The following ZDHHC4 variants were observed in gnomAD, a reference collection of about 807,000 sequenced individuals.
ZDHHC4 encodes the protein zDHHC palmitoyltransferase 4, also known as palmitoyltransferase ZDHHC4.
Under a neutral mutation model 36.7 loss-of-function variants are expected in ZDHHC4, and 42 were observed. The observed-to-expected ratio is 1.14, with a 90% CI of 0.89 to 1.48. ZDHHC4 has a LOEUF of 1.48. ZDHHC4 is among the 40% of genes most tolerant of loss of function. The pLI is 0.00. For missense variants in ZDHHC4, 457 were observed against 421.5 expected (o/e 1.08, Z -0.74); for synonymous variants, 189 against 166.6 (o/e 1.13, Z -1.03).
intron 1 of ZDHHC4, 37 bp from the exon 2 acceptor site, chr7:6,578,529 C>T (rs998602157): frequency 2.0e-5 from 3 of 152,196 alleles, no homozygotes; most frequent in Non-Finnish European, 2.9e-5. Context: ...CAACTCTTGT[C>T]GTCTTATGTG....
At chr7:6,585,474 G>A (rs1282097022) in intron 7 of ZDHHC4, among the ~76,000 whole-genome samples, 2 of 151,580 alleles carry the variant, frequency 1.3e-5, no homozygotes, top group African/African-American at 4.8e-5. Context: ...TTGAATAACT[G>A]GTCTCCTGTA....
Position 6,581,648 on chromosome 7 carries a change from G to C in ZDHHC4, c.159G>C (p.Val53=). ...TTCCAGAATGTCTTCAGAGAGCCGT[G>C]CATGGATTGCTTCATTACCTTTTCC... The part of the protein sequence containing the change: ...CIIPECLQRA[V]HGLLHYLFHT... Residue 53 remains valine, a synonymous_variant, in exon 4 of 8, where the codon GTG becomes GTC. Coordinates refer to ENST00000335965, the MANE Select transcript of ZDHHC4 (RefSeq NM_001134389.2). The C allele has an allele frequency of 6.2e-7, 1 of 1,611,132 alleles. No homozygotes were observed. The highest frequency in any genetic ancestry group is 8.5e-7 in the Non-Finnish European group (1 of 1,177,632).
chr7:6,585,123 A>C lies in ZDHHC4; in HGVS notation c.604A>C (p.Thr202Pro), dbSNP rs1435557459. Reference protein sequence around the residue: ...RYFLIYVLTLTASAATVAIVS... With the variant: ...RYFLIYVLTLPASAATVAIVS... The stretch of plus-strand genomic sequence containing the variant: ...CTTCCTCATCTACGTCTTGACCTTG[A>C]CGGCCTCGGCTGCCACCGTCGCCAT... The change falls in exon 7 of 8, where the codon ACG (threonine) becomes CCG (proline). Residue 202 changes from threonine (T) to proline (P), a missense_variant. Physicochemically the swap from Thr to Pro is conservative, Grantham distance 38 (BLOSUM62 -1). Transcript: ENST00000335965. 1.9e-6 allele frequency: 3 copies of C among 1,614,016 alleles called. No homozygotes were observed.
intron 2 of ZDHHC4, among the ~76,000 whole-genome samples, chr7:6,578,942 A>T (rs10273900): frequency 0.4 from 61,206 of 151,806 alleles, 13,433 homozygotes; most frequent in African/African-American, 0.58. Context: ...TGCTCAAGCA[A>T]TCCTCCCGCC....
chr7:6,583,592 G>A (rs1583386312), intron 6 of ZDHHC4, 161 bp downstream of exon 6: 1 of 990,234 alleles, frequency 1.0e-6, no homozygotes, highest in Middle Eastern at 2.1e-4. Context: ...TTTCAGATGA[G>A]TGAGGGTCAG....
rs751870801 is a variant in ZDHHC4 at position 6,581,588 on chromosome 7, C to T, written c.118-19C>T. 5.7e-6 allele frequency: 9 copies of T among 1,590,728 alleles called. No homozygotes were observed. The highest frequency in any genetic ancestry group is 7.8e-6 in the Non-Finnish European group (9 of 1,159,648). On this transcript the variant is annotated intron_variant, in intron 3 of 7. Coordinates refer to ENST00000335965, the MANE Select transcript of ZDHHC4 (RefSeq NM_001134389.2). ...AAGTGAGAAATGAAATTGAGTCTTT[C>T]TCTTTCCTTTTGTTTCAGATATTTT...
intron 3 of ZDHHC4, 122 bp downstream of exon 3, chr7:6,580,800 C>T: frequency 2.2e-6 from 2 of 891,824 alleles, no homozygotes; most frequent in Non-Finnish European, 3.5e-6. Flanking sequence ...CACCTGTAAT[C>T]CCGCTACTCA....
In ZDHHC4 at chr7:6,583,291, C is replaced by T; in HGVS notation, c.371-15C>T. 1 of 1,613,362 alleles carries T rather than the reference C, an allele frequency of 6.2e-7. No individual in the cohort carries two copies. Among genetic ancestry groups the T allele is most frequent in the African/African-American group, 1.3e-5 (1 of 75,000 alleles). On this transcript the variant is annotated splice_polypyrimidine_tract_variant and intron_variant, in intron 5 of 7. Coordinates refer to ENST00000335965, the MANE Select transcript of ZDHHC4 (RefSeq NM_001134389.2). ...AGTATTGCACGAAACTGACATATGT[C>T]CTTACTTTTCCCAGGCATTATAACA...
At chr7:6,581,975 C>A in intron 4 of ZDHHC4, 98 bp from the exon 5 acceptor site, 1 of 1,222,196 alleles carries the variant, frequency 8.2e-7, no homozygotes, top group Non-Finnish European at 1.1e-6. Flanking sequence ...TTATCTCAAG[C>A]CCAAAGGAAG....
intron 2 of ZDHHC4, among the ~76,000 whole-genome samples, chr7:6,580,022 C>T (rs182208012): frequency 1.3e-5 from 2 of 152,150 alleles, no homozygotes; most frequent in East Asian, 1.9e-4. Context: ...ATAATCCCAG[C>T]TACTCAGGAG....
chr7:6,583,011 C>CA lies in ZDHHC4; in HGVS notation c.371-287dup, dbSNP rs910331931. Among the ~76,000 whole-genome samples, 728 of 151,682 alleles carry CA rather than the reference C, an allele frequency of 4.8e-3. 6 individuals carry two copies. Among genetic ancestry groups the CA allele is most frequent in the African/African-American group, 0.017 (687 of 41,386 alleles). On this transcript the variant is annotated intron_variant, in intron 5 of 7. Coordinates refer to ENST00000335965, the MANE Select transcript of ZDHHC4 (RefSeq NM_001134389.2). ...AATGGTGAAACCCCATCTGTATTAA[C>CA]AAAAAAAATACAAAAATTAGCCACG...
At chr7:6,588,543 A>G in intron 7 of ZDHHC4, 74 bp from the exon 8 acceptor site, 1 of 1,518,270 alleles carries the variant, frequency 6.6e-7, no homozygotes, top group Non-Finnish European at 9.0e-7. Flanking sequence ...TGGCAGGCCC[A>G]GGGTTGGCCA....
In ZDHHC4 at chr7:6,578,705, C is replaced by T. The variant is rs929434249; in HGVS notation, c.-23C>T. On this transcript the variant is annotated 5_prime_UTR_variant, in exon 2 of 8. Coordinates refer to ENST00000335965, the MANE Select transcript of ZDHHC4 (RefSeq NM_001134389.2). Reference sequence around the variant, plus strand: ...TGCCAGAGCTGCCGGCTGAAAATTACCCAACCAAGAGAAATGTAGGCTGGG... The same window carrying T: ...TGCCAGAGCTGCCGGCTGAAAATTATCCAACCAAGAGAAATGTAGGCTGGG... The T allele has an allele frequency of 6.6e-6, 1 of 152,152 alleles. No homozygotes were observed. The highest frequency in any genetic ancestry group is 6.6e-5 in the Admixed American group (1 of 15,260). The allele number at this position is 152,152 out of a possible 1,614,324, so 9.4% of individuals were successfully genotyped here. A position where few individuals can be genotyped will look rare whatever the true frequency, so the allele number is the denominator to read the frequency against.
In ZDHHC4 at chr7:6,588,794, C is replaced by G; in HGVS notation, c.919C>G (p.Pro307Ala). The change falls in exon 8 of 8, where the codon CCT (proline) becomes GCT (alanine). Residue 307 changes from proline to alanine, a missense_variant. By Grantham distance (27) the Pro-to-Ala change is conservative. Transcript: ENST00000335965. ...WCQRCPLVAW[P>A]PSAEPQVHRN... ...CCAGCGTTGTCCCCTTGTGGCCTGG[C>G]CTCCGTCAGCAGAGCCCCAAGTCCA... is the stretch of plus-strand genomic sequence containing the variant. 1 of 1,614,202 alleles carries G rather than the reference C, an allele frequency of 6.2e-7. No homozygotes were observed. Among genetic ancestry groups the G allele is most frequent in the Non-Finnish European group, 8.5e-7 (1 of 1,180,034 alleles).
chr7:6,579,593 T>G (rs1379384856), intron 2 of ZDHHC4, among the ~76,000 whole-genome samples: 3 of 152,170 alleles, frequency 2.0e-5, no homozygotes, highest in African/African-American at 4.8e-5. Context: ...GAGGGATGCT[T>G]CTTAGGACAG....
At chr7:6,579,204 T>C (rs930599478) in intron 2 of ZDHHC4, among the ~76,000 whole-genome samples, 2 of 151,544 alleles carry the variant, frequency 1.3e-5, no homozygotes, top group African/African-American at 4.8e-5. Flanking sequence ...CAGTGTCTTT[T>C]CTTTTTTTTT....
chr7:6,578,156 C>G (rs1780571503), intron 1 of ZDHHC4, among the ~76,000 whole-genome samples: 1 of 151,802 alleles, frequency 6.6e-6, no homozygotes, highest in Admixed American at 6.6e-5. Flanking sequence ...GAGATGGGGT[C>G]CAGCTCTATG....
At chr7:6,579,459 C>G (rs55715805) in intron 2 of ZDHHC4, among the ~76,000 whole-genome samples, 2,587 of 152,124 alleles carry the variant, frequency 0.017, 77 homozygotes, top group African/African-American at 0.06. Flanking sequence ...CTCGACATGC[C>G]AAAGTGTTGG....
chr7:6,581,250 G>A (rs1780833037), intron 3 of ZDHHC4: 3 of 307,772 alleles, frequency 9.7e-6, no homozygotes, highest in Non-Finnish European at 1.8e-5. Flanking sequence ...GGAGGGACCT[G>A]GGCCAATGCC....
Sources: allele counts gnomAD v4.1 joint callset (sites outside exome capture counted in the v4.1 genomes callset), GRCh38; gene constraint gnomAD v4.1.1; transcripts MANE v1.5; gene names NCBI Gene and HGNC (gene_info 2026-07-23, HGNC 2026-07-21).